DIAPH3: variants seen among roughly 807,000 people sequenced by gnomAD.
DIAPH3 encodes the protein diaphanous related formin 3.
A neutral mutation model predicts 144.3 loss-of-function variants in DIAPH3; 117 were observed. The ratio of observed to expected loss-of-function variants is 0.81; its 90% CI spans 0.70 to 0.95. The LOEUF (loss-of-function observed/expected upper bound fraction) is 0.95, where lower values mean the gene tolerates loss of function less well. DIAPH3 is among the 40% of genes least tolerant of loss of function. The pLI is 0.00. For synonymous variants in DIAPH3, 519 were observed against 488.9 expected (o/e 1.06, Z -0.81); for missense variants, 1,421 against 1,412.7 (o/e 1.01, Z -0.09).
chr13:60,035,710 T>C (rs1193148974), intron 5 of DIAPH3, among the ~76,000 whole-genome samples: 3 of 152,168 alleles, frequency 2.0e-5, no homozygotes, highest in East Asian at 3.8e-4. Flanking sequence ...GAAGGCATAT[T>C]TGAAGATAGA....
intron 27 of DIAPH3, among the ~76,000 whole-genome samples, chr13:59,763,286 T>A (rs571331117): frequency 1.5e-5 from 2 of 134,574 alleles, no homozygotes; most frequent in African/African-American, 5.9e-5. Flanking sequence ...ATACATATAT[T>A]CACATATATG....
At chr13:59,715,051 T>G (rs530483714) in intron 27 of DIAPH3, among the ~76,000 whole-genome samples, 1 of 152,160 alleles carries the variant, frequency 6.6e-6, no homozygotes, top group Non-Finnish European at 1.5e-5. Context: ...AGATGCTTAT[T>G]ATAAGCTAGC....
chr13:60,125,211 G>GTTGTT (rs1157605469), intron 2 of DIAPH3, among the ~76,000 whole-genome samples: 8 of 151,826 alleles, frequency 5.3e-5, no homozygotes, highest in Non-Finnish European at 1.0e-4. Flanking sequence ...CCCTAGTTAT[G>GTTGTT]TTGTTTTGTT....
rs376511770 is a variant in DIAPH3, at chr13:60,013,043, A to T, written c.772-2374T>A. 18 of 985,444 alleles carry T rather than the reference A, an allele frequency of 1.8e-5. No homozygotes were observed. In the East Asian group the frequency reaches 1.6e-3, roughly 87 times the overall value. The allele number at this position is 985,444 out of a possible 1,614,324, so 61.0% of individuals were successfully genotyped here. ...GTTGACTCTGTGTGAGAAGTTGTCA[A>T]CTTACCAGTGCTCGGATTAAAGTGC... On this transcript the variant is annotated intron_variant, in intron 7 of 27. Transcript: ENST00000400324.
At chr13:60,041,081 TG>T (rs1409613934) in intron 5 of DIAPH3, among the ~76,000 whole-genome samples, 1 of 151,068 alleles carries the variant, frequency 6.6e-6, no homozygotes, top group Non-Finnish European at 1.5e-5. Context: ...CCCAAAGTGC[TG>T]GGATTACAGG....
chr13:59,786,277 T>C (rs2039024134), intron 25 of DIAPH3, among the ~76,000 whole-genome samples: 1 of 152,160 alleles, frequency 6.6e-6, no homozygotes, highest in Admixed American at 6.5e-5. Flanking sequence ...TTACACTAAA[T>C]AGGATTATAG....
chr13:60,036,942 AC>A (rs2141149764), intron 5 of DIAPH3, among the ~76,000 whole-genome samples: 1 of 35,022 alleles, frequency 2.9e-5, no homozygotes, highest in South Asian at 8.4e-4. Flanking sequence ...ACAGAAAGAT[AC>A]CCATCATATT....
intron 24 of DIAPH3, among the ~76,000 whole-genome samples, chr13:59,813,624 G>A (rs1429083210): frequency 2.0e-5 from 3 of 152,052 alleles, no homozygotes; most frequent in Admixed American, 2.0e-4. Flanking sequence ...CGGAGGCCAA[G>A]GCGGGTGGAT....
At chr13:60,025,059 G>A (rs960357602) in intron 5 of DIAPH3, among the ~76,000 whole-genome samples, 2 of 152,050 alleles carry the variant, frequency 1.3e-5, no homozygotes, top group African/African-American at 4.8e-5. Flanking sequence ...AGAAATCCAG[G>A]CTACCCACTT....
intron 7 of DIAPH3, 78 bp downstream of exon 7, chr13:60,015,835 T>C: frequency 1.6e-6 from 2 of 1,248,270 alleles, no homozygotes; most frequent in African/African-American, 3.0e-5. Flanking sequence ...CAGAACAATT[T>C]ACCATCACTT....
chr13:59,671,526 G>T (rs1208569954), intron 27 of DIAPH3, among the ~76,000 whole-genome samples: 1 of 151,880 alleles, frequency 6.6e-6, no homozygotes. Flanking sequence ...TATTACAATT[G>T]ATCTCTATGT....
At position 59,865,349 on chromosome 13, in the gene DIAPH3, A is replaced by G. The variant is rs149195976; in HGVS notation, c.2608-3813T>C. ...AGCTAGAACAAGTAAAGCTTGGAAT[A>G]CAGTGTTAATTTTGTTGAAGATGAG... On this transcript the variant is annotated intron_variant, in intron 21 of 27. Transcript: ENST00000400324. Among the ~76,000 whole-genome samples, 6 of 152,204 alleles carry G rather than the reference A, an allele frequency of 3.9e-5. No homozygotes were observed. The East Asian group carries it at 1.2e-3, about 29-fold the overall frequency.
intron 1 of DIAPH3, among the ~76,000 whole-genome samples, chr13:60,143,814 A>G (rs1951384122): frequency 6.6e-6 from 1 of 152,134 alleles, no homozygotes; most frequent in Non-Finnish European, 1.5e-5. Flanking sequence ...TGAAAAATCT[A>G]TGCAGTGGCA....
intron 27 of DIAPH3, among the ~76,000 whole-genome samples, chr13:59,752,917 A>C (rs1336072548): frequency 1.3e-5 from 2 of 152,224 alleles, no homozygotes; most frequent in African/African-American, 2.4e-5. Flanking sequence ...AACAGAAATT[A>C]TCTCTCTTAA....
intron 27 of DIAPH3, among the ~76,000 whole-genome samples, chr13:59,703,190 A>G (rs1262726422): frequency 6.6e-6 from 1 of 152,244 alleles, no homozygotes; most frequent in Non-Finnish European, 1.5e-5. Flanking sequence ...TCAACTTGAG[A>G]TGTGGTGAAG....
chr13:60,109,203 T>G (rs1312584055), intron 3 of DIAPH3, among the ~76,000 whole-genome samples: 1 of 151,594 alleles, frequency 6.6e-6, no homozygotes, highest in Non-Finnish European at 1.5e-5. Flanking sequence ...AAAAGTGAAG[T>G]GTGTGTCACA....
Position 59,839,416 on chromosome 13 carries a change from G to T in DIAPH3, c.2770C>A (p.Gln924Lys). The T allele has an allele frequency of 2.5e-6, 4 of 1,613,548 alleles. No homozygotes were observed. Among genetic ancestry groups the T allele is most frequent in the Non-Finnish European group, 3.4e-6 (4 of 1,179,744 alleles). ...SVETLEKNLR[Q>K]MGRQLQQLEK... ...AGCTGTTGAAGCTGCCTTCCCATCTGCCTCAAATTCTTTTCCAGCGTTTCT... is the reference window on the plus strand; with the variant it reads ...AGCTGTTGAAGCTGCCTTCCCATCTTCCTCAAATTCTTTTCCAGCGTTTCT... Residue 924 changes from glutamine (Q) to lysine (K), a missense_variant, in exon 23 of 28, where the codon CAG (glutamine) becomes AAG (lysine). Gln to Lys is a moderately conservative substitution (Grantham distance 53, BLOSUM62 1). Transcript: ENST00000400324.
intron 27 of DIAPH3, among the ~76,000 whole-genome samples, chr13:59,704,674 C>T (rs767613034): frequency 5.3e-5 from 8 of 152,084 alleles, no homozygotes; most frequent in African/African-American, 9.7e-5. Flanking sequence ...GTGTTATAAT[C>T]GGCTACAGTA....
At chr13:59,667,703 G>T (rs2032102883) in intron 27 of DIAPH3, among the ~76,000 whole-genome samples, 1 of 152,126 alleles carries the variant, frequency 6.6e-6, no homozygotes, top group Non-Finnish European at 1.5e-5. Context: ...GTAAGTGATG[G>T]TAATGATGAC....
Sources: gnomAD v4.1 joint callset for allele counts (sites outside exome capture counted in the v4.1 genomes callset) on GRCh38, gnomAD v4.1.1 for gene constraint, MANE v1.5 for transcripts, NCBI Gene and HGNC (gene_info 2026-07-23, HGNC 2026-07-21) for gene names.